RALGPS1: variants seen among roughly 807,000 people sequenced by gnomAD.
RALGPS1 encodes the protein ras-specific guanine nucleotide-releasing factor RalGPS1.
Under a neutral mutation model 78.8 loss-of-function variants are expected in RALGPS1, and 19 were observed. The ratio of observed to expected loss-of-function variants is 0.24; its 90% CI spans 0.17 to 0.35. RALGPS1 has a LOEUF of 0.35. RALGPS1 is among the 10% of genes least tolerant of loss of function. RALGPS1 has a pLI of 1.00. For missense variants in RALGPS1, 454 were observed against 688.3 expected, an observed-to-expected ratio of 0.66 and a Z score of 3.81; for synonymous variants, 228 against 256.3, an observed-to-expected ratio of 0.89 and a Z score of 1.06.
At chr9:126,975,322 C>T (rs1171689586) in intron 3 of RALGPS1, among the ~76,000 whole-genome samples, 2 of 152,104 alleles carry the variant, frequency 1.3e-5, no homozygotes, top group East Asian at 3.9e-4. Context: ...TTGGACCATC[C>T]AAAAAGTGTG....
intron 4 of RALGPS1, among the ~76,000 whole-genome samples, chr9:126,999,483 T>C (rs948450759): frequency 1.3e-5 from 2 of 152,182 alleles, no homozygotes; most frequent in African/African-American, 2.4e-5. Context: ...CACCTATTCA[T>C]CTCTTCTTCT....
chr9:127,124,104 A>G (rs2056413259), intron 8 of RALGPS1, among the ~76,000 whole-genome samples: 1 of 152,124 alleles, frequency 6.6e-6, no homozygotes, highest in Non-Finnish European at 1.5e-5. Context: ...CCCAGTCCCC[A>G]AGGAGACCCT....
At chr9:126,927,887 G>A (rs924015388) in intron 1 of RALGPS1, among the ~76,000 whole-genome samples, 2 of 152,200 alleles carry the variant, frequency 1.3e-5, no homozygotes, top group Non-Finnish European at 2.9e-5. Context: ...AACGCGATGC[G>A]TGGGTAGGTA....
At chr9:127,018,682 C>A (rs541983890) in intron 4 of RALGPS1, among the ~76,000 whole-genome samples, 4 of 134,302 alleles carry the variant, frequency 3.0e-5, no homozygotes, top group Non-Finnish European at 4.9e-5. Context: ...ATAATAATAA[C>A]GATGAAAAGT....
intron 1 of RALGPS1, among the ~76,000 whole-genome samples, chr9:126,922,895 C>T (rs1372849610): frequency 6.6e-6 from 1 of 152,184 alleles, no homozygotes; most frequent in Admixed American, 6.5e-5. Flanking sequence ...AGAAAAAAGA[C>T]CACATCATTA....
intron 8 of RALGPS1, among the ~76,000 whole-genome samples, chr9:127,163,156 C>T (rs1170053364): frequency 1.3e-5 from 2 of 152,170 alleles, no homozygotes; most frequent in East Asian, 1.9e-4. Flanking sequence ...CTGCACATTG[C>T]GTCTGGAATA....
At position 127,166,079 on chromosome 9, in the gene RALGPS1, T is replaced by C. The variant is rs1234481030; in HGVS notation, c.621T>C (p.Leu207=). ...VPSIPYLGIY[L]LDLIYIDSAY... The stretch of plus-strand genomic sequence containing the variant: ...CTTCTTTAATTTTAGGAATCTATCT[T>C]CTGGATTTAATCTACATTGATTCTG... The change falls in exon 9 of 19, where the codon CTT becomes CTC. Residue 207 remains leucine, a synonymous_variant. Coordinates refer to ENST00000259351, the MANE Select transcript of RALGPS1 (RefSeq NM_014636.3). 7 of 1,603,398 alleles carry C rather than the reference T, an allele frequency of 4.4e-6. No homozygotes were observed. The highest frequency in any genetic ancestry group is 6.0e-6 in the Non-Finnish European group (7 of 1,176,236).
intron 11 of RALGPS1, among the ~76,000 whole-genome samples, chr9:127,191,348 T>G (rs2061020334): frequency 6.6e-6 from 1 of 152,228 alleles, no homozygotes; most frequent in South Asian, 2.1e-4. Context: ...TAGTTTTGCT[T>G]TTCACATTTG....
intron 14 of RALGPS1, among the ~76,000 whole-genome samples, chr9:127,199,335 C>T (rs1201000802): frequency 6.6e-6 from 1 of 152,166 alleles, no homozygotes; most frequent in African/African-American, 2.4e-5. Context: ...TGCAGGAGGC[C>T]TGTGAGTAGA....
intron 8 of RALGPS1, among the ~76,000 whole-genome samples, chr9:127,098,295 C>A (rs779104631): frequency 1.3e-5 from 2 of 152,208 alleles, no homozygotes; most frequent in Non-Finnish European, 2.9e-5. Flanking sequence ...GAGTACCTAG[C>A]GGTGTTTAAC....
chr9:127,110,421 CT>C (rs1433605055), intron 8 of RALGPS1, among the ~76,000 whole-genome samples: 1 of 152,220 alleles, frequency 6.6e-6, no homozygotes, highest in Non-Finnish European at 1.5e-5. Flanking sequence ...CCTTTCTCTA[CT>C]GTTGAGGGGA....
intron 5 of RALGPS1, among the ~76,000 whole-genome samples, chr9:127,039,867 T>C (rs2047143285): frequency 6.6e-6 from 1 of 152,128 alleles, no homozygotes; most frequent in Admixed American, 6.5e-5. Flanking sequence ...GAGAGAGAGC[T>C]GACTCTGGAA....
intron 8 of RALGPS1, among the ~76,000 whole-genome samples, chr9:127,109,599 CAG>C (rs1028468728): frequency 1.3e-5 from 2 of 152,246 alleles, no homozygotes; most frequent in Admixed American, 6.5e-5. Flanking sequence ...GAGCAGAACA[CAG>C]AATGTGTCTC....
intron 4 of RALGPS1, among the ~76,000 whole-genome samples, chr9:126,997,625 CA>C (rs1311316772): frequency 6.6e-6 from 1 of 152,184 alleles, no homozygotes; most frequent in Non-Finnish European, 1.5e-5. Flanking sequence ...ATGCCATCCC[CA>C]TCAAGCTACC....
intron 1 of RALGPS1, among the ~76,000 whole-genome samples, chr9:126,921,303 G>A (rs768571286): frequency 6.6e-5 from 10 of 152,204 alleles, no homozygotes; most frequent in Non-Finnish European, 1.3e-4. Flanking sequence ...CTGATATTAT[G>A]GCTCCAGGGC....
intron 4 of RALGPS1, among the ~76,000 whole-genome samples, chr9:127,001,859 T>G (rs977574351): frequency 1.3e-5 from 2 of 152,106 alleles, no homozygotes; most frequent in African/African-American, 2.4e-5. Context: ...GCTCCAGCCT[T>G]GGCAACAAGA....
chr9:126,997,062 C>A (rs1253677855), intron 4 of RALGPS1, among the ~76,000 whole-genome samples: 1 of 152,166 alleles, frequency 6.6e-6, no homozygotes, highest in African/African-American at 2.4e-5. Flanking sequence ...TATGACAACC[C>A]CACAGCCAAT....
chr9:126,919,028 T>C (rs1471626708), intron 1 of RALGPS1, among the ~76,000 whole-genome samples: 1 of 152,190 alleles, frequency 6.6e-6, no homozygotes, highest in African/African-American at 2.4e-5. Context: ...CTTTCTTGCC[T>C]CAAGTTGACA....
chr9:126,982,411 G>A (rs954818395), intron 4 of RALGPS1, among the ~76,000 whole-genome samples: 6 of 152,194 alleles, frequency 3.9e-5, no homozygotes, highest in Non-Finnish European at 5.9e-5. Flanking sequence ...ATAGAGTGGT[G>A]ATAGGAAGAG....
Sources: gnomAD v4.1 joint callset for allele counts (sites outside exome capture counted in the v4.1 genomes callset) on GRCh38, gnomAD v4.1.1 for gene constraint, MANE v1.5 for transcripts, NCBI Gene and HGNC (gene_info 2026-07-23, HGNC 2026-07-21) for gene names.